LRRC49: variants seen among roughly 807,000 people sequenced by gnomAD.
LRRC49 encodes leucine rich repeat containing 49.
In LRRC49, 50 loss-of-function variants were observed where a neutral mutation model predicts 83.3. That is an observed-to-expected ratio of 0.60 (90% CI 0.48 to 0.76). The LOEUF is 0.76. Ranked by LOEUF, LRRC49 falls within the 30% of genes least tolerant of loss-of-function variation. The pLI is 0.00. For synonymous variants in LRRC49, 286 were observed against 283.3 expected (o/e 1.01, Z -0.10); for missense variants, 704 against 809.1 (o/e 0.87, Z 1.58).
intron 3 of LRRC49, among the ~76,000 whole-genome samples, chr15:70,897,171 GCAGTTAGTAAA>G (rs2033872959): frequency 6.6e-6 from 1 of 152,090 alleles, no homozygotes. Context: ...GTTAGAGTAG[GCAGTTAGTAAA>G]CAGATTTGAG....
At chr15:71,037,369 G>A in intron 15 of LRRC49, 37 bp downstream of exon 15, 1 of 1,525,756 alleles carries the variant, frequency 6.6e-7, no homozygotes, top group Non-Finnish European at 8.9e-7. Context: ...CTAATGCCAG[G>A]ATATATCCCA....
chr15:70,984,144 A>G lies in LRRC49; in HGVS notation c.1056A>G (p.Gln352=), dbSNP rs1596099105. The G allele has an allele frequency of 2.2e-6, 1 of 463,526 alleles. No individual in the cohort carries two copies. Among genetic ancestry groups the G allele is most frequent in the Non-Finnish European group, 3.0e-6 (1 of 331,156 alleles). The allele number at this position is 463,526 out of a possible 1,614,324, so 28.7% of individuals were successfully genotyped here. A position where few individuals can be genotyped will look rare whatever the true frequency, so the allele number is the denominator to read the frequency against. ...ACGTAGCTCGACAGTGGGACTTGCAACAACAACGAGTAGCCAATATTGCTA... is the reference window on the plus strand; with the variant it reads ...ACGTAGCTCGACAGTGGGACTTGCAGCAACAACGAGTAGCCAATATTGCTA... ...INNVARQWDL[Q]QQRVANIATN... is the part of the protein sequence containing the mutation. Residue 352 remains glutamine, a synonymous_variant, in exon 11 of 16, where the codon CAA becomes CAG. Coordinates refer to ENST00000260382, the MANE Select transcript of LRRC49 (RefSeq NM_017691.5).
chr15:71,029,314 T>C (rs1296806724), intron 14 of LRRC49, among the ~76,000 whole-genome samples: 1 of 152,196 alleles, frequency 6.6e-6, no homozygotes, highest in Non-Finnish European at 1.5e-5. Context: ...CCATGCAGAT[T>C]GTTCAATTTC....
intron 14 of LRRC49, among the ~76,000 whole-genome samples, chr15:71,024,546 G>GCAA (rs1207782553): frequency 2.6e-5 from 4 of 151,672 alleles, no homozygotes; most frequent in Non-Finnish European, 4.4e-5. Flanking sequence ...TTGAAGGAAA[G>GCAA]CAACAACAAC....
chr15:70,862,304 C>T (rs189408802), intron 1 of LRRC49, among the ~76,000 whole-genome samples: 32 of 152,214 alleles, frequency 2.1e-4, no homozygotes, highest in African/African-American at 6.7e-4. Flanking sequence ...GCTGGCCGGG[C>T]GCGGTGGCTC....
At chr15:70,943,585 G>A (rs2035900310) in intron 8 of LRRC49, among the ~76,000 whole-genome samples, 2 of 152,136 alleles carry the variant, frequency 1.3e-5, no homozygotes, top group African/African-American at 2.4e-5. Flanking sequence ...TTTGGGAGAG[G>A]CCGCATGCAC....
At chr15:70,856,886 T>G (rs556076188) in intron 1 of LRRC49, among the ~76,000 whole-genome samples, 30 of 152,306 alleles carry the variant, frequency 2.0e-4, no homozygotes, top group African/African-American at 7.2e-4. Context: ...AAACCAGGGC[T>G]TTTAAAGGGC....
At chr15:70,979,095 T>G (rs1281173080) in intron 9 of LRRC49, among the ~76,000 whole-genome samples, 2 of 152,136 alleles carry the variant, frequency 1.3e-5, no homozygotes, top group Non-Finnish European at 2.9e-5. Context: ...CTTTTGGTAA[T>G]GAAAATTAAA....
At chr15:70,871,489 G>T (rs1019950106) in intron 1 of LRRC49, among the ~76,000 whole-genome samples, 3 of 152,104 alleles carry the variant, frequency 2.0e-5, no homozygotes, top group African/African-American at 7.2e-5. Flanking sequence ...ACCAGGTGGC[G>T]GCCGGGCAGA....
intron 8 of LRRC49, among the ~76,000 whole-genome samples, chr15:70,945,519 C>CTATGTG (rs2035975191): frequency 7.4e-6 from 1 of 135,796 alleles, no homozygotes; most frequent in Non-Finnish European, 1.6e-5. Flanking sequence ...ATTTAACAAC[C>CTATGTG]TGTGTGTGTG....
At chr15:71,029,064 C>T (rs976613511) in intron 14 of LRRC49, among the ~76,000 whole-genome samples, 1 of 152,108 alleles carries the variant, frequency 6.6e-6, no homozygotes, top group Admixed American at 6.6e-5. Context: ...ATCTTTCCAG[C>T]TTTCTGTTTT....
At chr15:70,965,557 T>G (rs1373355041) in intron 9 of LRRC49, among the ~76,000 whole-genome samples, 1 of 152,118 alleles carries the variant, frequency 6.6e-6, no homozygotes, top group Admixed American at 6.6e-5. Flanking sequence ...AGTTTTTTTG[T>G]AGAATGACCC....
At chr15:71,032,488 G>C (rs745837194) in intron 14 of LRRC49, among the ~76,000 whole-genome samples, 1 of 152,064 alleles carries the variant, frequency 6.6e-6, no homozygotes, top group East Asian at 1.9e-4. Context: ...TTGAAAAGGA[G>C]GGACTTCTCC....
chr15:70,900,826 AT>A, intron 3 of LRRC49, 95 bp from the exon 4 acceptor site: 1 of 712,450 alleles, frequency 1.4e-6, no homozygotes. Flanking sequence ...TAGATAAGAT[AT>A]TTATGGTGCT....
intron 5 of LRRC49, 45 bp downstream of exon 5, chr15:70,904,800 G>A (rs760703331): frequency 7.3e-7 from 1 of 1,378,812 alleles, no homozygotes; most frequent in Non-Finnish European, 1.0e-6. Context: ...TTATGTGTAG[G>A]ATTAATGTGG....
intron 1 of LRRC49, chr15:70,859,587 T>A (rs1214041708): frequency 1.5e-6 from 1 of 655,086 alleles, no homozygotes; most frequent in African/African-American, 1.8e-5. Context: ...CTGCAGACGC[T>A]GGCTGGGAAG....
intron 10 of LRRC49, among the ~76,000 whole-genome samples, chr15:70,982,654 C>G (rs1362002816): frequency 4.6e-5 from 7 of 152,068 alleles, no homozygotes; most frequent in Non-Finnish European, 8.8e-5. Context: ...CTGTGTTGCC[C>G]AGGCTGGAAT....
At chr15:70,976,041 A>G (rs770556502) in intron 9 of LRRC49, among the ~76,000 whole-genome samples, 11 of 152,344 alleles carry the variant, frequency 7.2e-5, no homozygotes, top group Non-Finnish European at 1.2e-4. Flanking sequence ...CCATCAGATC[A>G]TAGCACTCAG....
intron 8 of LRRC49, among the ~76,000 whole-genome samples, chr15:70,943,901 C>T (rs772329285): frequency 3.9e-5 from 6 of 152,198 alleles, no homozygotes; most frequent in Non-Finnish European, 8.8e-5. Context: ...ACCTGAGGGT[C>T]GCCTGACATT....
Sources: allele counts gnomAD v4.1 joint callset (sites outside exome capture counted in the v4.1 genomes callset), GRCh38; gene constraint gnomAD v4.1.1; transcripts MANE v1.5; gene names NCBI Gene and HGNC (gene_info 2026-07-23, HGNC 2026-07-21).